Variants in SIN3B observed in about 807,000 individuals in gnomAD.
The protein encoded by SIN3B is paired amphipathic helix protein Sin3b.
A neutral mutation model predicts 120.2 loss-of-function variants in SIN3B; 19 were observed. The ratio of observed to expected loss-of-function variants is 0.16; its 90% CI spans 0.11 to 0.23. The LOEUF is 0.23. Ranked by LOEUF, SIN3B falls within the 10% of genes least tolerant of loss-of-function variation. The pLI is 1.00. For missense variants in SIN3B, 1,073 were observed against 1,573.0 expected (o/e 0.68, Z 5.38); for synonymous variants, 654 against 653.2 (o/e 1.00, Z -0.02).
At chr19:16,871,474 A>G (rs2051510753) in intron 14 of SIN3B, 76 bp downstream of exon 14, 2 of 1,421,118 alleles carry the variant, frequency 1.4e-6, no homozygotes, top group Admixed American at 2.2e-5. Flanking sequence ...CCCGCTCGGG[A>G]GGGGGCCCGT....
At chr19:16,846,604 T>A in intron 4 of SIN3B, 1 of 178,780 alleles carries the variant, frequency 5.6e-6, no homozygotes, top group Non-Finnish European at 1.2e-5. Context: ...GGAAGTCCCT[T>A]CCCTTCATGG....
At chr19:16,867,073 C>T (rs1042492325) in intron 12 of SIN3B, among the ~76,000 whole-genome samples, 17 of 152,158 alleles carry the variant, frequency 1.1e-4, no homozygotes, top group South Asian at 8.3e-4. Context: ...CATTGTCTAG[C>T]GAAGTCTCCG....
rs1222767803 is a variant in SIN3B at position 16,870,067 on chromosome 19, A to G, written c.2414A>G (p.Lys805Arg). The G allele has an allele frequency of 6.3e-7, 1 of 1,599,216 alleles. No homozygotes were observed. Among genetic ancestry groups the G allele is most frequent in the Middle Eastern group, 2.0e-4 (1 of 5,032 alleles). Residue 805 changes from lysine (K) to arginine (R), a missense_variant, in exon 13 of 19, where the codon AAG (lysine) becomes AGG (arginine). Transcript: ENST00000248054. ...GSDPAMELRL[K>R]QPSEVELEEY... ...GACCCCGCCATGGAGCTGCGGCTGA[A>G]GCAGCCCAGTAAGGCTCCAAAGCCT...
chr19:16,877,058 T>C (rs993135532), intron 16 of SIN3B: 12 of 191,222 alleles, frequency 6.3e-5, no homozygotes, highest in East Asian at 1.5e-4. Context: ...AGGGTGGTCA[T>C]TGGGGCCTGC....
At chr19:16,836,984 C>T (rs915997959) in intron 3 of SIN3B, among the ~76,000 whole-genome samples, 1 of 152,096 alleles carries the variant, frequency 6.6e-6, no homozygotes, top group Admixed American at 6.6e-5. Flanking sequence ...GGTTCCTGCA[C>T]AGTCAAGGTG....
At position 16,854,361 on chromosome 19, in the gene SIN3B, T is replaced by C. The variant is rs954600198; in HGVS notation, c.1058+100T>C. ...CTGTTTTTGAGCAATGATTGTGCTT[T>C]TCTAAAATCCTGTTTATTAATTGAC... On this transcript the variant is annotated intron_variant, in intron 8 of 18. Coordinates refer to ENST00000248054, the MANE Select transcript of SIN3B (RefSeq NM_001297595.2). 6.7e-5 allele frequency: 49 copies of C among 727,228 alleles called. No homozygotes were observed. The East Asian group carries it at 1.2e-3, about 18-fold the overall frequency. The allele number at this position is 727,228 out of a possible 1,614,324, so 45.0% of individuals were successfully genotyped here. A position where few individuals can be genotyped will look rare whatever the true frequency, so the allele number is the denominator to read the frequency against.
At chr19:16,854,284 C>T in intron 8 of SIN3B, 23 bp downstream of exon 8, 2 of 1,513,774 alleles carry the variant, frequency 1.3e-6, no homozygotes, top group African/African-American at 1.4e-5. Context: ...CTTCCCAGGG[C>T]TCCCTAGGGG....
In SIN3B at chr19:16,879,028, C is replaced by T. The variant is rs1028271424; in HGVS notation, c.*301C>T. 2.1e-6 allele frequency: 1 copy of T among 471,182 alleles called. No individual in the cohort carries two copies. Among genetic ancestry groups the T allele is most frequent in the Non-Finnish European group, 3.8e-6 (1 of 264,510 alleles). The allele number at this position is 471,182 out of a possible 1,614,324, so 29.2% of individuals were successfully genotyped here. ...TTGCGTCCCCGTCCGTCACATGTGC[C>T]AAATCCCTGGCAGGCAGATGGCTCC... On this transcript the variant is annotated 3_prime_UTR_variant, in exon 19 of 19. Coordinates refer to ENST00000248054, the MANE Select transcript of SIN3B (RefSeq NM_001297595.2).
intron 6 of SIN3B, among the ~76,000 whole-genome samples, chr19:16,852,525 G>T (rs924921629): frequency 6.6e-6 from 1 of 152,206 alleles, no homozygotes; most frequent in African/African-American, 2.4e-5. Context: ...GGGATTACAG[G>T]CGTGAGTCCC....
chr19:16,880,041 C>G lies in SIN3B; in HGVS notation c.*1314C>G, dbSNP rs1485087421. On this transcript the variant is annotated 3_prime_UTR_variant, in exon 19 of 19. Transcript: ENST00000248054. Reference sequence around the variant, plus strand: ...CTGACCCGTCCTCCTGGGCTCCCCACCCCCGCTCCCCAAGTGTCACACAGG... The same window carrying G: ...CTGACCCGTCCTCCTGGGCTCCCCAGCCCCGCTCCCCAAGTGTCACACAGG... 2 of 152,314 alleles carry G rather than the reference C, an allele frequency of 1.3e-5. No individual in the cohort carries two copies. Among genetic ancestry groups the G allele is most frequent in the African/African-American group, 4.8e-5 (2 of 41,448 alleles). 9.4% of individuals were successfully genotyped at this position (152,314 alleles called of 1,614,324 possible).
At chr19:16,833,638 A>C (rs1325854351) in intron 3 of SIN3B, among the ~76,000 whole-genome samples, 19 of 151,484 alleles carry the variant, frequency 1.3e-4, no homozygotes, top group African/African-American at 4.6e-4. Context: ...TCTCAAAAAA[A>C]AAAAAAATTC....
At chr19:16,847,731 A>C (rs946973199) in intron 5 of SIN3B, among the ~76,000 whole-genome samples, 1 of 152,220 alleles carries the variant, frequency 6.6e-6, no homozygotes, top group Non-Finnish European at 1.5e-5. Flanking sequence ...CACTATGATC[A>C]TAAGACTTTT....
intron 14 of SIN3B, among the ~76,000 whole-genome samples, chr19:16,875,565 G>GTCTGT (rs1429639628): frequency 7.1e-6 from 1 of 141,680 alleles, no homozygotes; most frequent in Non-Finnish European, 1.5e-5. Flanking sequence ...GTCTGGTCTG[G>GTCTGT]TCTGGTCTGG....
At chr19:16,855,380 C>CCCG (rs1555741883) in intron 8 of SIN3B, 3 of 117,110 alleles carry the variant, frequency 2.6e-5, no homozygotes, top group Admixed American at 8.2e-5. Flanking sequence ...TCCCCCCCCC[C>CCCG]CCCCCAGCAA....
intron 11 of SIN3B, 73 bp from the exon 12 acceptor site, chr19:16,866,300 C>T: frequency 6.8e-7 from 1 of 1,468,132 alleles, no homozygotes; most frequent in East Asian, 2.3e-5. Context: ...CAGAGGAAGA[C>T]AGGCCAGCCC....
intron 3 of SIN3B, among the ~76,000 whole-genome samples, chr19:16,839,548 G>T (rs1971390816): frequency 6.6e-6 from 1 of 152,106 alleles, no homozygotes; most frequent in Non-Finnish European, 1.5e-5. Flanking sequence ...GGGGCTCGCA[G>T]TGAGCCTACA....
chr19:16,839,713 A>G (rs1399252401), intron 3 of SIN3B, among the ~76,000 whole-genome samples: 2 of 152,224 alleles, frequency 1.3e-5, no homozygotes, highest in East Asian at 3.9e-4. Context: ...ACATCCCCAG[A>G]GAATCTTACA....
chr19:16,842,705 C>G (rs1365188072), intron 4 of SIN3B, among the ~76,000 whole-genome samples: 1 of 152,134 alleles, frequency 6.6e-6, no homozygotes, highest in East Asian at 1.9e-4. Flanking sequence ...CTTAGCTGTT[C>G]ATTGCAGTGG....
intron 8 of SIN3B, among the ~76,000 whole-genome samples, chr19:16,860,050 C>A (rs1472532602): frequency 6.6e-6 from 1 of 152,204 alleles, no homozygotes; most frequent in Non-Finnish European, 1.5e-5. Context: ...ATGGGCAGTG[C>A]CGGAGCACAG....
Sources: gnomAD v4.1 joint callset for allele counts (sites outside exome capture counted in the v4.1 genomes callset) on GRCh38, gnomAD v4.1.1 for gene constraint, MANE v1.5 for transcripts, NCBI Gene and HGNC (gene_info 2026-07-23, HGNC 2026-07-21) for gene names.